BIN2: variants seen among roughly 807,000 people sequenced by gnomAD.
BIN2 encodes breast cancer associated protein BRAP1.
A neutral mutation model predicts 67.9 loss-of-function variants in BIN2; 43 were observed. The observed-to-expected ratio is 0.63, with a 90% CI of 0.50 to 0.82. BIN2 has a LOEUF of 0.82. BIN2 is among the 40% of genes least tolerant of loss of function. BIN2 has a pLI of 0.00. For synonymous variants in BIN2, 244 were observed against 246.8 expected (o/e 0.99, Z 0.11); for missense variants, 581 against 671.6 (o/e 0.87, Z 1.49).
Position 51,292,108 on chromosome 12 carries a change from TC to T in BIN2, c.997del (p.Glu333LysfsTer42). 6.2e-7 allele frequency: 1 copy of T among 1,614,154 alleles called. No homozygotes were observed. Among genetic ancestry groups the T allele is most frequent in the Non-Finnish European group, 8.5e-7 (1 of 1,180,028 alleles). On this transcript the variant is annotated frameshift_variant, in exon 10 of 13. Transcript: ENST00000615107. LOFTEE classifies it high-confidence loss of function. ...ATTGCAGGCTGGTAGAGGCTCATCT[TC>T]CTCAGAGGAGCTTGCTTCAGATCCT... Reference protein sequence around the residue: ...KEGSEASSSEEDEPLPACNGP... With the variant: ...KEGSEASSSEXDEPLPACNGP...
Position 51,297,173 on chromosome 12 carries a change from A to G in BIN2, c.603-9T>C, listed in dbSNP as rs1181851157. On this transcript the variant is annotated splice_polypyrimidine_tract_variant and intron_variant, in intron 7 of 12. Transcript: ENST00000615107. ...CATAGCAGCCAATACGACTATTAGG[A>G]AGCAAAACCACAAACACATACGAGT... is the stretch of plus-strand genomic sequence containing the variant. 1 of 1,610,576 alleles carries G rather than the reference A, an allele frequency of 6.2e-7. No individual in the cohort carries two copies. The highest frequency in any genetic ancestry group is 1.3e-5 in the African/African-American group (1 of 74,848).
At chr12:51,303,241 C>G in intron 2 of BIN2, 100 bp from the exon 3 acceptor site, 1 of 1,168,044 alleles carries the variant, frequency 8.6e-7, no homozygotes, top group Non-Finnish European at 1.3e-6. Flanking sequence ...GAAATCACAC[C>G]TGGAATTTCT....
At position 51,291,807 on chromosome 12, in the gene BIN2, T is replaced by C; in HGVS notation, c.1299A>G (p.Ile433Met). Residue 433 changes from isoleucine to methionine, a missense_variant, in exon 10 of 13, where the codon ATA (isoleucine) becomes ATG (methionine). By Grantham distance (10) the Ile-to-Met change is conservative. Transcript: ENST00000615107. ...CTCCAGAGGCTGTAGGGCTGGAAGG[T>C]ATGTTCCCTGAGGAGGGCCTGGGGC... Reference protein sequence around the residue: ...TASPRPSSGNIPSSPTASGGG... With the variant: ...TASPRPSSGNMPSSPTASGGG... 6.2e-7 allele frequency: 1 copy of C among 1,613,686 alleles called. No individual in the cohort carries two copies. Among genetic ancestry groups the C allele is most frequent in the South Asian group, 1.1e-5 (1 of 91,060 alleles).
intron 9 of BIN2, among the ~76,000 whole-genome samples, chr12:51,295,238 G>T (rs1371398756): frequency 6.6e-6 from 1 of 150,846 alleles, no homozygotes; most frequent in African/African-American, 2.4e-5. Context: ...AGCCACCATT[G>T]TCTGGCCTTG....
chr12:51,288,346 G>A (rs545671565), intron 10 of BIN2, among the ~76,000 whole-genome samples, 158 bp from the exon 11 acceptor site: 7 of 152,220 alleles, frequency 4.6e-5, no homozygotes, highest in African/African-American at 1.4e-4. Context: ...GTGATCTAAC[G>A]AGTGTCAGAA....
Position 51,302,548 on chromosome 12 carries a change from A to AGTGACTGAG in BIN2, c.312+129_312+137dup, listed in dbSNP as rs559234914. The AGTGACTGAG allele has an allele frequency of 1.0e-3, 757 of 729,702 alleles. 1 individual carries two copies. The highest frequency in any genetic ancestry group is 1.6e-3 in the Middle Eastern group (4 of 2,436). 45.2% of individuals were successfully genotyped at this position (729,702 alleles called of 1,614,324 possible). A position where few individuals can be genotyped will look rare whatever the true frequency, so the allele number is the denominator to read the frequency against. On this transcript the variant is annotated intron_variant, in intron 4 of 12. Transcript: ENST00000615107. ...CAGTTGTAGCTTCTTCCTACCACCC[A>AGTGACTGAG]GTGACTGAGGCTACACAAATGCACA...
At chr12:51,305,826 CTTT>C (rs1168899685) in intron 2 of BIN2, among the ~76,000 whole-genome samples, 230 of 82,360 alleles carry the variant, frequency 2.8e-3, no homozygotes, top group African/African-American at 3.5e-3. Context: ...TGTTTTCTTT[CTTT>C]TTTTTTTTTT....
intron 2 of BIN2, among the ~76,000 whole-genome samples, chr12:51,309,313 C>T (rs1945939540): frequency 6.6e-6 from 1 of 152,124 alleles, no homozygotes; most frequent in Admixed American, 6.6e-5. Context: ...CTTTGCCACC[C>T]CAGGTCCCCA....
In BIN2 at chr12:51,291,770, T is replaced by A; in HGVS notation, c.1336A>T (p.Thr446Ser). ...GTCCCCAAGGAGGCCCTAGGGCTGG[T>A]GGGTGAACCCCCTCCAGAGGCTGTA... Reference protein sequence around the residue: ...SPTASGGGSPTSPRASLGTGT... With the variant: ...SPTASGGGSPSSPRASLGTGT... Residue 446 changes from threonine (T) to serine (S), a missense_variant, in exon 10 of 13, where the codon ACC (threonine) becomes TCC (serine). Thr to Ser is a moderately conservative substitution (Grantham distance 58). Transcript: ENST00000615107. 1 of 1,613,548 alleles carries A rather than the reference T, an allele frequency of 6.2e-7. No homozygotes were observed. The highest frequency in any genetic ancestry group is 8.5e-7 in the Non-Finnish European group (1 of 1,179,690).
intron 5 of BIN2, among the ~76,000 whole-genome samples, chr12:51,301,560 G>A (rs781630445): frequency 2.0e-5 from 3 of 151,952 alleles, no homozygotes; most frequent in African/African-American, 7.3e-5. Flanking sequence ...CCAGGCTGGC[G>A]CACAGTGGCA....
chr12:51,292,014 G>A lies in BIN2; in HGVS notation c.1092C>T (p.Ser364=). 1 of 1,614,222 alleles carries A rather than the reference G, an allele frequency of 6.2e-7. No homozygotes were observed. The highest frequency in any genetic ancestry group is 1.1e-5 in the South Asian group (1 of 91,088). The stretch of plus-strand genomic sequence containing the variant: ...CTCCGCCTGGTGATGGAGTTGTGGA[G>A]CTGGGGAGAACTTCCTCCTGGGACT... ...RAKSQEEVLP[S]STTPSPGGAL... The change falls in exon 10 of 13, where the codon AGC becomes AGT. Residue 364 remains serine, a synonymous_variant. Coordinates refer to ENST00000615107, the MANE Select transcript of BIN2 (RefSeq NM_016293.4).
At chr12:51,285,346 G>A (rs1309881180) in intron 11 of BIN2, among the ~76,000 whole-genome samples, 1 of 152,148 alleles carries the variant, frequency 6.6e-6, no homozygotes, top group African/African-American at 2.4e-5. Context: ...TTGAGAGGCT[G>A]AGGCAGGAGG....
At chr12:51,284,832 C>T in intron 11 of BIN2, 45 bp from the exon 12 acceptor site, 7 of 1,406,290 alleles carry the variant, frequency 5.0e-6, no homozygotes, top group Non-Finnish European at 7.1e-6. Flanking sequence ...CTCAACCTTT[C>T]CAGCCTCTCA....
At position 51,313,886 on chromosome 12, in the gene BIN2, C is replaced by T; in HGVS notation, c.99G>A (p.Gly33=). The T allele has an allele frequency of 6.2e-7, 1 of 1,613,888 alleles. No individual in the cohort carries two copies. Among genetic ancestry groups the T allele is most frequent in the Non-Finnish European group, 8.5e-7 (1 of 1,179,820 alleles). The change falls in exon 2 of 13, where the codon GGG becomes GGA. Residue 33 remains glycine (G), a synonymous_variant. Transcript: ENST00000615107. ...RAQEKVLQKL[G]KAVETKDERF... The stretch of plus-strand genomic sequence containing the variant: ...GTTCATCTTTGGTTTCTACAGCTTT[C>T]CCCAATTTCTGCAGCACCTAGGGAT...
intron 8 of BIN2, 61 bp from the exon 9 acceptor site, chr12:51,295,939 C>T (rs1008070017): frequency 1.5e-6 from 2 of 1,330,242 alleles, no homozygotes; most frequent in African/African-American, 1.5e-5. Context: ...TGGCATATCC[C>T]TTCTCCCCTC....
In BIN2 at chr12:51,302,764, T is replaced by C; in HGVS notation, c.234A>G (p.Ser78=). The stretch of plus-strand genomic sequence containing the variant: ...CCTGCAGGGTTTCTGACACTCTTTT[T>C]GAACTTTCATGCATCACTGAAAGGA... The part of the protein sequence containing the change: ...LSAVKVMHES[S]KRVSETLQEI... Residue 78 remains serine, a synonymous_variant, in exon 4 of 13, where the codon TCA becomes TCG. Transcript: ENST00000615107. 1 of 1,613,830 alleles carries C rather than the reference T, an allele frequency of 6.2e-7. No individual in the cohort carries two copies. Among genetic ancestry groups the C allele is most frequent in the South Asian group, 1.1e-5 (1 of 91,084 alleles).
At chr12:51,308,859 C>G (rs1945930580) in intron 2 of BIN2, among the ~76,000 whole-genome samples, 1 of 152,050 alleles carries the variant, frequency 6.6e-6, no homozygotes, top group Non-Finnish European at 1.5e-5. Context: ...TGGCTCATGC[C>G]TGTAATCCGA....
Position 51,315,319 on chromosome 12 carries a change from C to A in BIN2, c.82-1416G>T, listed in dbSNP as rs60823403. On this transcript the variant is annotated intron_variant, in intron 1 of 12. Transcript: ENST00000615107. ...CGATTAGCTTCGGACTACAGGCGCC[C>A]GCCACTATGCCTGACTAAGTTTTTT... 9.0e-3 allele frequency among the ~76,000 whole-genome samples: 1,369 copies of A among 152,242 alleles called. 29 individuals carry two copies. Among genetic ancestry groups the A allele is most frequent in the African/African-American group, 0.031 (1,294 of 41,570 alleles).
In BIN2 at chr12:51,305,198, T is replaced by C. The variant is rs1489565238; in HGVS notation, c.163-2057A>G. On this transcript the variant is annotated intron_variant, in intron 2 of 12. Coordinates refer to ENST00000615107, the MANE Select transcript of BIN2 (RefSeq NM_016293.4). ...CTAAATATAAAAAATTAGCAGGGTG[T>C]GGCGGCAGGCACCTGTAATCCCAGC... is the stretch of plus-strand genomic sequence containing the variant. Among the ~76,000 whole-genome samples, 7 of 150,614 alleles carry C rather than the reference T, an allele frequency of 4.6e-5. No homozygotes were observed. The East Asian group carries it at 1.4e-3, about 30-fold the overall frequency.
Sources: gnomAD v4.1 joint callset for allele counts (sites outside exome capture counted in the v4.1 genomes callset) on GRCh38, gnomAD v4.1.1 for gene constraint, MANE v1.5 for transcripts, NCBI Gene and HGNC (gene_info 2026-07-23, HGNC 2026-07-21) for gene names.